The following TTC17 variants were observed in gnomAD, a reference collection of about 807,000 sequenced individuals.
TTC17 encodes tetratricopeptide repeat domain 17.
Under a neutral mutation model 143.8 loss-of-function variants are expected in TTC17, and 58 were observed. The ratio of observed to expected loss-of-function variants is 0.40; its 90% confidence interval spans 0.33 to 0.50. The LOEUF is 0.50. Among genes scored for constraint, TTC17 ranks in the 20% least tolerant of loss-of-function variants. The pLI is 0.49. For missense variants in TTC17, 1,273 were observed against 1,392.5 expected, an observed-to-expected ratio of 0.91 and a Z score of 1.37; for synonymous variants, 501 against 497.8, an observed-to-expected ratio of 1.01 and a Z score of -0.09.
chr11:43,397,155 G>A, intron 6 of TTC17, 192 bp from the exon 7 acceptor site: 4 of 578,230 alleles, frequency 6.9e-6, no homozygotes, highest in South Asian at 6.2e-5. Context: ...TACAGTGTCT[G>A]CAATACCTTA....
At chr11:43,470,224 A>G (rs1564978177) in intron 21 of TTC17, among the ~76,000 whole-genome samples, 1 of 152,232 alleles carries the variant, frequency 6.6e-6, no homozygotes, top group East Asian at 1.9e-4. Context: ...ATGCCGCTGC[A>G]GCAGCATCAG....
At chr11:43,397,537 CTTTTTTT>C in intron 7 of TTC17, 46 bp downstream of exon 7, 1 of 1,215,876 alleles carries the variant, frequency 8.2e-7, no homozygotes, top group South Asian at 2.2e-5. Flanking sequence ...TTGCCACTTT[CTTTTTTT>C]TTTTTTTTTC....
At chr11:43,414,281 G>C (rs748992399) in intron 15 of TTC17, among the ~76,000 whole-genome samples, 1 of 152,106 alleles carries the variant, frequency 6.6e-6, no homozygotes, top group Non-Finnish European at 1.5e-5. Context: ...TTCTGGGGTT[G>C]GATTGCCCAA....
At chr11:43,409,776 C>A (rs1289781307) in intron 15 of TTC17, among the ~76,000 whole-genome samples, 1 of 152,132 alleles carries the variant, frequency 6.6e-6, no homozygotes, top group Admixed American at 6.6e-5. Flanking sequence ...CTTAAAAATA[C>A]CACCTCTCCG....
intron 1 of TTC17, among the ~76,000 whole-genome samples, chr11:43,371,146 A>G (rs1856555402): frequency 6.6e-6 from 1 of 152,078 alleles, no homozygotes; most frequent in Non-Finnish European, 1.5e-5. Context: ...GAATGGAAAA[A>G]ACATCTCAGT....
chr11:43,417,521 G>T (rs1946804455), intron 16 of TTC17, among the ~76,000 whole-genome samples: 1 of 152,100 alleles, frequency 6.6e-6, no homozygotes, highest in Non-Finnish European at 1.5e-5. Context: ...TCATGAGATT[G>T]CTGGCTGGGT....
At chr11:43,399,068 T>G (rs1005896479) in intron 8 of TTC17, among the ~76,000 whole-genome samples, 33 of 152,212 alleles carry the variant, frequency 2.2e-4, no homozygotes, top group African/African-American at 7.7e-4. Context: ...GGCAGCTGAT[T>G]TACTGAAATC....
intron 15 of TTC17, among the ~76,000 whole-genome samples, chr11:43,409,935 A>G (rs1229280835): frequency 1.3e-5 from 2 of 150,986 alleles, no homozygotes; most frequent in Non-Finnish European, 2.9e-5. Context: ...TTCGCCACCC[A>G]GGTTCAAGCT....
At chr11:43,463,139 C>T (rs1430230858) in intron 21 of TTC17, among the ~76,000 whole-genome samples, 1 of 152,008 alleles carries the variant, frequency 6.6e-6, no homozygotes, top group Non-Finnish European at 1.5e-5. Flanking sequence ...TGGTCTCAAA[C>T]TCCTGACCTC....
intron 2 of TTC17, among the ~76,000 whole-genome samples, chr11:43,381,207 A>G (rs566296735): frequency 6.6e-6 from 1 of 152,350 alleles, no homozygotes; most frequent in South Asian, 2.1e-4. Flanking sequence ...TTATACTTAT[A>G]CTATGAAGCT....
intron 21 of TTC17, among the ~76,000 whole-genome samples, chr11:43,462,128 T>C (rs1270478783): frequency 6.6e-6 from 1 of 150,402 alleles, no homozygotes; most frequent in African/African-American, 2.4e-5. Context: ...TATACCCTTG[T>C]CAGAAAAAGT....
At chr11:43,425,539 C>T (rs1163619811) in intron 16 of TTC17, among the ~76,000 whole-genome samples, 1 of 152,204 alleles carries the variant, frequency 6.6e-6, no homozygotes, top group East Asian at 1.9e-4. Flanking sequence ...TGTATGATCT[C>T]TACTCAGTTC....
At chr11:43,396,415 T>C (rs751584377) in intron 5 of TTC17, 6 of 194,556 alleles carry the variant, frequency 3.1e-5, no homozygotes, top group African/African-American at 4.6e-5. Context: ...GCTCAACAAG[T>C]TGTGATCAGT....
Position 43,445,897 on chromosome 11 carries a change from A to G in TTC17, c.2665+1688A>G, listed in dbSNP as rs143804135. ...GTAGATTTTCTAAGAACTAATAATAATGCTTAACTAATTTCATTTCCTTTT... is the reference window on the plus strand; with the variant it reads ...GTAGATTTTCTAAGAACTAATAATAGTGCTTAACTAATTTCATTTCCTTTT... On this transcript the variant is annotated intron_variant, in intron 18 of 23. Transcript: ENST00000039989. 7.6e-4 allele frequency: 711 copies of G among 931,396 alleles called. 13 individuals carry two copies. In the East Asian group the frequency reaches 0.018, roughly 24 times the overall value. The allele number at this position is 931,396 out of a possible 1,614,324, so 57.7% of individuals were successfully genotyped here.
At chr11:43,369,301 A>G (rs573819152) in intron 1 of TTC17, among the ~76,000 whole-genome samples, 2 of 152,332 alleles carry the variant, frequency 1.3e-5, no homozygotes, top group South Asian at 2.1e-4. Context: ...AGACATGAAT[A>G]TTCTCATAAA....
intron 21 of TTC17, among the ~76,000 whole-genome samples, chr11:43,475,344 G>T (rs997164739): frequency 3.9e-5 from 6 of 152,062 alleles, no homozygotes; most frequent in African/African-American, 1.4e-4. Flanking sequence ...GCTGTTAAAG[G>T]CATTCAGTTT....
Position 43,476,505 on chromosome 11 carries a change from G to A in TTC17, c.3031-13734G>A, listed in dbSNP as rs116468572. 6.0e-3 allele frequency among the ~76,000 whole-genome samples: 909 copies of A among 152,272 alleles called. 12 individuals are homozygous for A. The highest frequency in any genetic ancestry group is 0.02 in the African/African-American group (836 of 41,546). The stretch of plus-strand genomic sequence containing the variant: ...AAAAAGAGGTTTAATTGGACTTTCC[G>A]TACATCTTCTGAAATCTAGGTGGAG... On this transcript the variant is annotated intron_variant, in intron 21 of 23. Transcript: ENST00000039989.
rs905365463 is a variant in TTC17, at chr11:43,430,832, A to T, written c.2252-12493A>T. Among the ~76,000 whole-genome samples, 3 of 152,030 alleles carry T rather than the reference A, an allele frequency of 2.0e-5. No homozygotes were observed. The East Asian group carries it at 5.8e-4, about 29-fold the overall frequency. On this transcript the variant is annotated intron_variant, in intron 16 of 23. Transcript: ENST00000039989. ...TTGAAGTTCTGGGATACATGTGCAG[A>T]ACATGCAGGTTTGTTACATAGGTAT...
At chr11:43,375,958 C>T (rs1856749796) in intron 1 of TTC17, among the ~76,000 whole-genome samples, 1 of 151,826 alleles carries the variant, frequency 6.6e-6, no homozygotes, top group Non-Finnish European at 1.5e-5. Context: ...TAGATATTAA[C>T]AATATCTTGG....
Sources: allele counts gnomAD v4.1 joint callset (sites outside exome capture counted in the v4.1 genomes callset), GRCh38; gene constraint gnomAD v4.1.1; transcripts MANE v1.5; gene names NCBI Gene and HGNC (gene_info 2026-07-23, HGNC 2026-07-21).